The following TJP2 variants were observed in gnomAD, a reference collection of about 807,000 sequenced individuals.
TJP2 encodes the protein tight junction protein 2, also known as Friedreich ataxia region gene X104 (tight junction protein ZO-2).
TJP2 carries 91 observed loss-of-function variants against 133.1 expected under a neutral mutation model. The observed-to-expected ratio is 0.68, with a 90% CI of 0.58 to 0.81. TJP2 has a LOEUF of 0.81. Ranked by LOEUF, TJP2 falls within the 40% of genes least tolerant of loss-of-function variation. The pLI, the probability that TJP2 is intolerant of heterozygous loss-of-function variation, is 0.00. For missense variants in TJP2, 1,541 were observed against 1,565.6 expected, an observed-to-expected ratio of 0.98 and a Z score of 0.26; for synonymous variants, 592 against 583.4, an observed-to-expected ratio of 1.01 and a Z score of -0.21.
intron 15 of TJP2, 128 bp from the exon 16 acceptor site, chr9:69,238,582 C>A: frequency 1.3e-6 from 1 of 773,244 alleles, no homozygotes. Flanking sequence ...TATGTGGGTC[C>A]TTCCCACTGA....
At chr9:69,223,049 A>G (rs913496934) in intron 5 of TJP2, among the ~76,000 whole-genome samples, 1 of 137,382 alleles carries the variant, frequency 7.3e-6, no homozygotes, top group Non-Finnish European at 1.5e-5. Context: ...AGCCTGGGTG[A>G]CAGAGCGAGA....
At chr9:69,230,358 G>A in intron 11 of TJP2, 126 bp downstream of exon 11, 1 of 1,219,028 alleles carries the variant, frequency 8.2e-7, no homozygotes, top group South Asian at 1.3e-5. Flanking sequence ...GTTTGTTGAT[G>A]CCCAGCATTG....
At chr9:69,252,769 T>C in intron 21 of TJP2, 46 bp from the exon 22 acceptor site, 1 of 1,570,650 alleles carries the variant, frequency 6.4e-7, no homozygotes, top group Non-Finnish European at 8.8e-7. Context: ...GAGTGCCCAG[T>C]GGTTCATTCT....
intron 1 of TJP2, among the ~76,000 whole-genome samples, chr9:69,208,903 G>A (rs1180960922): frequency 2.0e-5 from 3 of 152,068 alleles, no homozygotes; most frequent in Non-Finnish European, 4.4e-5. Flanking sequence ...ACAACTTCTA[G>A]ATTAATTCAC....
chr9:69,191,173 C>G (rs1826180043), intron 1 of TJP2, among the ~76,000 whole-genome samples: 2 of 152,288 alleles, frequency 1.3e-5, no homozygotes, highest in African/African-American at 4.8e-5. Context: ...GTAAGGTGAC[C>G]TGATAACAAG....
intron 1 of TJP2, among the ~76,000 whole-genome samples, chr9:69,176,907 A>G (rs768792810): frequency 1.3e-4 from 20 of 152,262 alleles, no homozygotes; most frequent in Admixed American, 2.6e-4. Flanking sequence ...GTGTAGTAAT[A>G]TAAATAGTAA....
chr9:69,239,639 T>C (rs1563950087), intron 16 of TJP2, among the ~76,000 whole-genome samples: 1 of 152,062 alleles, frequency 6.6e-6, no homozygotes, highest in Non-Finnish European at 1.5e-5. Flanking sequence ...GGTGAAACCC[T>C]GTCTCTACTA....
upstream of TJP2, chr9:69,174,239 C>T (rs1824877442): frequency 1.2e-5 from 18 of 1,503,052 alleles, no homozygotes; most frequent in African/African-American, 1.4e-5. Context: ...AGGGGTGGGT[C>T]CCCGCGGGTC....
chr9:69,212,450 A>G, intron 1 of TJP2, 98 bp from the exon 2 acceptor site: 1 of 903,384 alleles, frequency 1.1e-6, no homozygotes, highest in African/African-American at 1.6e-5. Context: ...AGAAAGTGTG[A>G]GCTGGACTTT....
Position 69,236,935 on chromosome 9 carries a change from T to G in TJP2, c.1992-14T>G. The G allele has an allele frequency of 6.2e-7, 1 of 1,614,138 alleles. No individual in the cohort carries two copies. On this transcript the variant is annotated splice_polypyrimidine_tract_variant and intron_variant, in intron 13 of 22. Coordinates refer to ENST00000377245, the MANE Select transcript of TJP2 (RefSeq NM_004817.4). Reference sequence around the variant, plus strand: ...TCTGGCTTTAGAGATTTACTTCCCGTGGTTTCTTCTCAGAGCTGAACAAAT... The same window carrying G: ...TCTGGCTTTAGAGATTTACTTCCCGGGGTTTCTTCTCAGAGCTGAACAAAT...
chr9:69,196,390 A>G (rs192386215), intron 1 of TJP2, among the ~76,000 whole-genome samples: 340 of 152,310 alleles, frequency 2.2e-3, no homozygotes, highest in Non-Finnish European at 3.8e-3. Flanking sequence ...AGCATGTACT[A>G]TGTGCCAGGC....
intron 17 of TJP2, among the ~76,000 whole-genome samples, chr9:69,240,939 T>G (rs1020379506): frequency 2.4e-4 from 36 of 152,350 alleles, no homozygotes; most frequent in African/African-American, 8.4e-4. Flanking sequence ...GAATGCATAC[T>G]AAATAAAATA....
intron 1 of TJP2, among the ~76,000 whole-genome samples, chr9:69,190,063 T>C (rs1301743320): frequency 6.8e-5 from 3 of 44,272 alleles, no homozygotes; most frequent in African/African-American, 2.5e-4. Context: ...TGAGCCAAGA[T>C]GGCGCCACTG....
At chr9:69,184,414 A>T (rs1034071395) in intron 1 of TJP2, among the ~76,000 whole-genome samples, 2 of 152,130 alleles carry the variant, frequency 1.3e-5, no homozygotes, top group East Asian at 3.9e-4. Flanking sequence ...GTGAAAGGGC[A>T]GGGAATCTGG....
At chr9:69,213,094 A>G (rs1486171308) in intron 2 of TJP2, among the ~76,000 whole-genome samples, 3 of 110,824 alleles carry the variant, frequency 2.7e-5, no homozygotes, top group Admixed American at 1.3e-4. Flanking sequence ...ACGGAATTGC[A>G]CTCTTGTCGC....
intron 1 of TJP2, among the ~76,000 whole-genome samples, chr9:69,190,596 T>C (rs188469026): frequency 4.6e-5 from 7 of 152,296 alleles, no homozygotes; most frequent in Admixed American, 1.3e-4. Context: ...GTGTACTTGA[T>C]GCTAAGGACA....
At chr9:69,128,810 G>GC (rs1334525904) in intron 1 of TJP2, among the ~76,000 whole-genome samples, 2 of 152,198 alleles carry the variant, frequency 1.3e-5, no homozygotes, top group East Asian at 1.9e-4. Context: ...ACAGGCGTGA[G>GC]CCACTGCGCC....
intron 14 of TJP2, 33 bp from the exon 15 acceptor site, chr9:69,237,845 T>C: frequency 6.9e-7 from 1 of 1,455,262 alleles, no homozygotes; most frequent in Non-Finnish European, 9.7e-7. Context: ...TAGGCAAGTG[T>C]GTATGCTTTA....
upstream of TJP2, chr9:69,174,232 G>A: frequency 1.3e-6 from 2 of 1,494,014 alleles, no homozygotes; most frequent in Non-Finnish European, 1.8e-6. Context: ...GGGACAAAGG[G>A]GTGGGTCCCC....
Sources: gnomAD v4.1 joint callset for allele counts (sites outside exome capture counted in the v4.1 genomes callset) on GRCh38, gnomAD v4.1.1 for gene constraint, MANE v1.5 for transcripts, NCBI Gene and HGNC (gene_info 2026-07-23, HGNC 2026-07-21) for gene names.